Variants in SPECC1 observed in about 807,000 individuals in gnomAD.
The protein encoded by SPECC1 is sperm antigen with calponin homology and coiled-coil domains 1.
Under a neutral mutation model 104.1 loss-of-function variants are expected in SPECC1, and 62 were observed. That is an observed-to-expected ratio of 0.60 (90% CI 0.49 to 0.74). SPECC1 has a LOEUF of 0.74. SPECC1 is among the 30% of genes least tolerant of loss of function. The pLI, the probability that SPECC1 is intolerant of heterozygous loss-of-function variation, is 0.00. For synonymous variants in SPECC1, 513 were observed against 501.6 expected (o/e 1.02, Z -0.30); for missense variants, 1,306 against 1,310.5 (o/e 1.00, Z 0.05).
chr17:20,249,496 G>T (rs2039544272), intron 9 of SPECC1, among the ~76,000 whole-genome samples: 2 of 152,112 alleles, frequency 1.3e-5, no homozygotes, highest in Non-Finnish European at 2.9e-5. Flanking sequence ...AGAAAAAATA[G>T]ACAATAGAAA....
chr17:20,177,435 AAAATC>A (rs2034546226), intron 3 of SPECC1, among the ~76,000 whole-genome samples: 1 of 152,222 alleles, frequency 6.6e-6, no homozygotes, highest in African/African-American at 2.4e-5. Context: ...TCAAGAAAAT[AAAATC>A]ATTCAAAGCC....
At chr17:20,016,774 C>T (rs548397943) in intron 1 of SPECC1, among the ~76,000 whole-genome samples, 1 of 152,376 alleles carries the variant, frequency 6.6e-6, no homozygotes, top group South Asian at 2.1e-4. Context: ...CCACGGCGCC[C>T]AGTCCCATCG....
chr17:20,249,194 C>T (rs1002464186), intron 9 of SPECC1, among the ~76,000 whole-genome samples: 2 of 152,064 alleles, frequency 1.3e-5, no homozygotes, highest in Non-Finnish European at 2.9e-5. Flanking sequence ...CCGAAGCAGG[C>T]AGATCACGAG....
intron 1 of SPECC1, among the ~76,000 whole-genome samples, chr17:20,055,755 T>G (rs1431879204): frequency 6.6e-6 from 1 of 152,216 alleles, no homozygotes; most frequent in Non-Finnish European, 1.5e-5. Context: ...TCATTGGCCA[T>G]GAAGGCTTTG....
chr17:20,193,532 A>G (rs1442838785), intron 3 of SPECC1, among the ~76,000 whole-genome samples: 1 of 151,674 alleles, frequency 6.6e-6, no homozygotes, highest in Non-Finnish European at 1.5e-5. Context: ...CTGCCTGACT[A>G]TTAGGGTCTC....
At chr17:20,297,759 A>G (rs1416240141) in intron 13 of SPECC1, among the ~76,000 whole-genome samples, 2 of 152,032 alleles carry the variant, frequency 1.3e-5, no homozygotes, top group African/African-American at 4.8e-5. Flanking sequence ...CTGACCTAGA[A>G]CCTCCTACAA....
chr17:20,227,628 G>A lies in SPECC1; in HGVS notation c.2071+8G>A, dbSNP rs377119801. 16 of 1,610,188 alleles carry A rather than the reference G, an allele frequency of 9.9e-6. No homozygotes were observed. The African/African-American group carries it at 1.9e-4, about 19-fold the overall frequency. ...TCATCAGTGAGCTAGAAAGTAAGTG[G>A]GGTCTGCCAGGCATGGTGGCTCACA... On this transcript the variant is annotated splice_region_variant and intron_variant, in intron 5 of 14. Transcript: ENST00000395527.
intron 1 of SPECC1, among the ~76,000 whole-genome samples, chr17:20,045,584 A>G (rs759189488): frequency 6.6e-6 from 1 of 152,160 alleles, no homozygotes; most frequent in Non-Finnish European, 1.5e-5. Flanking sequence ...TCTCTCTCAC[A>G]TATGGTGGCT....
In SPECC1 at chr17:20,175,860, G is replaced by A. The variant is rs185833709; in HGVS notation, c.284-28473G>A. On this transcript the variant is annotated intron_variant, in intron 3 of 14. Coordinates refer to ENST00000395527, the MANE Select transcript of SPECC1 (RefSeq NM_001243439.2). ...CTTTAGTGCAGCATTCCTAGTCTGTGAACTTCTCCTGTGTCATGCCAAGGG... is the reference window on the plus strand; with the variant it reads ...CTTTAGTGCAGCATTCCTAGTCTGTAAACTTCTCCTGTGTCATGCCAAGGG... 1.8e-3 allele frequency among the ~76,000 whole-genome samples: 269 copies of A among 152,314 alleles called. 1 individual carries two copies. Among genetic ancestry groups the A allele is most frequent in the African/African-American group, 6.3e-3 (262 of 41,568 alleles).
intron 1 of SPECC1, among the ~76,000 whole-genome samples, chr17:20,087,618 T>C (rs1275672099): frequency 3.9e-5 from 6 of 152,184 alleles, no homozygotes; most frequent in Non-Finnish European, 7.3e-5. Context: ...GGCACCCATA[T>C]GCATGTTTTC....
At chr17:20,220,841 A>C (rs1260823139) in intron 4 of SPECC1, among the ~76,000 whole-genome samples, 1 of 152,038 alleles carries the variant, frequency 6.6e-6, no homozygotes, top group East Asian at 1.9e-4. Context: ...TATTATGTTG[A>C]GATATGTTCC....
intron 1 of SPECC1, among the ~76,000 whole-genome samples, chr17:20,051,076 CTTTCTTTCTTTCTTT>C (rs2045734723): frequency 1.8e-5 from 1 of 57,122 alleles, no homozygotes; most frequent in Non-Finnish European, 3.4e-5. Context: ...CTTTTTCTTT[CTTTCTTTCTTTCTTT>C]CTTTCTTTCT....
intron 4 of SPECC1, among the ~76,000 whole-genome samples, chr17:20,212,837 ATTATAT>A (rs1181413646): frequency 6.6e-6 from 1 of 152,230 alleles, no homozygotes; most frequent in African/African-American, 2.4e-5. Context: ...GGCTGCTATA[ATTATAT>A]TAATATGTTT....
intron 1 of SPECC1, among the ~76,000 whole-genome samples, chr17:20,051,097 T>C (rs561767669): frequency 1.5e-4 from 18 of 117,918 alleles, no homozygotes; most frequent in African/African-American, 6.4e-4. Context: ...TCTTTCTTTC[T>C]TTCTTTCTTT....
chr17:20,123,979 A>G (rs1442034521), intron 3 of SPECC1, among the ~76,000 whole-genome samples: 1 of 152,146 alleles, frequency 6.6e-6, no homozygotes, highest in Non-Finnish European at 1.5e-5. Flanking sequence ...ATTAGGAAAC[A>G]GGGGCTGAAA....
intron 5 of SPECC1, among the ~76,000 whole-genome samples, chr17:20,229,077 G>C (rs1395960316): frequency 2.6e-5 from 4 of 152,158 alleles, no homozygotes; most frequent in Admixed American, 2.6e-4. Context: ...AAGTGAAAAG[G>C]TTGTGTCATC....
At chr17:20,215,429 A>G (rs562286730) in intron 4 of SPECC1, among the ~76,000 whole-genome samples, 1 of 152,366 alleles carries the variant, frequency 6.6e-6, no homozygotes, top group East Asian at 1.9e-4. Flanking sequence ...ACAGACTTAC[A>G]CAAGAGGCAG....
At chr17:20,032,441 G>C (rs541545824) in intron 1 of SPECC1, among the ~76,000 whole-genome samples, 1 of 151,926 alleles carries the variant, frequency 6.6e-6, no homozygotes, top group Non-Finnish European at 1.5e-5. Context: ...CTGAGATTCT[G>C]TTTATTTTTC....
intron 12 of SPECC1, among the ~76,000 whole-genome samples, chr17:20,286,675 A>G (rs2040958145): frequency 6.6e-6 from 1 of 152,262 alleles, no homozygotes; most frequent in Non-Finnish European, 1.5e-5. Flanking sequence ...CCTGGTGCCC[A>G]GTATATTGGC....
Sources: allele counts gnomAD v4.1 joint callset (sites outside exome capture counted in the v4.1 genomes callset), GRCh38; gene constraint gnomAD v4.1.1; transcripts MANE v1.5; gene names NCBI Gene and HGNC (gene_info 2026-07-23, HGNC 2026-07-21).